Variants in CDH12 observed in about 807,000 individuals in gnomAD.
CDH12 encodes the protein cadherin-12.
Under a neutral mutation model 74.1 loss-of-function variants are expected in CDH12, and 41 were observed. That is an observed-to-expected ratio of 0.55 (90% CI 0.43 to 0.72). CDH12 has a LOEUF of 0.72. Among genes scored for constraint, CDH12 ranks in the 30% least tolerant of loss-of-function variants. The pLI, the probability that CDH12 is intolerant of heterozygous loss-of-function variation, is 0.00. For missense variants in CDH12, 945 were observed against 977.2 expected (o/e 0.97, Z 0.44); for synonymous variants, 399 against 355.0 (o/e 1.12, Z -1.39).
chr5:22,230,417 T>G (rs529436985), intron 3 of CDH12, among the ~76,000 whole-genome samples: 14 of 152,122 alleles, frequency 9.2e-5, no homozygotes, highest in African/African-American at 3.4e-4. Context: ...AATGTCTTCA[T>G]GTCAAACGAG....
intron 5 of CDH12, among the ~76,000 whole-genome samples, chr5:22,061,318 CAT>C (rs1741173595): frequency 6.6e-6 from 1 of 152,032 alleles, no homozygotes; most frequent in African/African-American, 2.4e-5. Context: ...AACAATGAAA[CAT>C]ATATAGTTAG....
chr5:22,479,588 A>G (rs879889662), intron 2 of CDH12, among the ~76,000 whole-genome samples: 19 of 152,222 alleles, frequency 1.2e-4, no homozygotes, highest in Non-Finnish European at 2.6e-4. Context: ...TGCTGGATAG[A>G]GAATTCCTGG....
chr5:21,905,046 G>A (rs1753572288), intron 6 of CDH12, among the ~76,000 whole-genome samples: 1 of 152,170 alleles, frequency 6.6e-6, no homozygotes, highest in Non-Finnish European at 1.5e-5. Flanking sequence ...CATAGCCATT[G>A]CAATGTGTAC....
intron 5 of CDH12, among the ~76,000 whole-genome samples, chr5:22,044,105 C>T (rs1739763279): frequency 6.6e-6 from 1 of 151,998 alleles, no homozygotes; most frequent in African/African-American, 2.4e-5. Context: ...CACATGGAAC[C>T]ACAAAAAATT....
At chr5:22,596,195 G>T (rs1265823778) in intron 1 of CDH12, among the ~76,000 whole-genome samples, 3 of 151,876 alleles carry the variant, frequency 2.0e-5, no homozygotes, top group African/African-American at 7.2e-5. Context: ...CCAGCATTCT[G>T]GGAGGCCGAG....
At chr5:22,407,733 G>C (rs995681492) in intron 2 of CDH12, among the ~76,000 whole-genome samples, 1 of 151,998 alleles carries the variant, frequency 6.6e-6, no homozygotes, top group Non-Finnish European at 1.5e-5. Context: ...TTTGCTCAAG[G>C]ACTTTGGGAA....
Position 22,029,437 on chromosome 5 carries a change from C to T in CDH12, c.231+49009G>A, listed in dbSNP as rs545205097. Among the ~76,000 whole-genome samples the T allele has an allele frequency of 4.6e-3, 695 of 151,860 alleles. 5 individuals carry two copies. The highest frequency in any genetic ancestry group is 0.015 in the African/African-American group (634 of 41,444). On this transcript the variant is annotated intron_variant, in intron 5 of 14. Transcript: ENST00000382254. Reference sequence around the variant, plus strand: ...ACAAGAAAAAAACAAACAACCCCATCAAAAAGTGGGCGAAGGATATGAACA... The same window carrying T: ...ACAAGAAAAAAACAAACAACCCCATTAAAAAGTGGGCGAAGGATATGAACA...
intron 4 of CDH12, among the ~76,000 whole-genome samples, chr5:22,096,616 C>G (rs756852408): frequency 2.6e-5 from 4 of 152,126 alleles, no homozygotes; most frequent in Non-Finnish European, 5.9e-5. Flanking sequence ...AGCCCTCCCC[C>G]ACCTGCCCAG....
At chr5:22,577,850 T>C (rs1452527058) in intron 1 of CDH12, among the ~76,000 whole-genome samples, 1 of 152,212 alleles carries the variant, frequency 6.6e-6, no homozygotes, top group African/African-American at 2.4e-5. Flanking sequence ...ATTTTCTTTA[T>C]TGCAAAGACA....
At chr5:22,574,258 C>G (rs1276433313) in intron 1 of CDH12, among the ~76,000 whole-genome samples, 1 of 151,180 alleles carries the variant, frequency 6.6e-6, no homozygotes. Flanking sequence ...TTTTGTATTT[C>G]TAGTAGAGAC....
At chr5:22,181,769 C>A (rs984400714) in intron 4 of CDH12, among the ~76,000 whole-genome samples, 1 of 152,082 alleles carries the variant, frequency 6.6e-6, no homozygotes, top group Non-Finnish European at 1.5e-5. Context: ...ATTTCCCTTT[C>A]TGCAAATTAG....
chr5:22,650,735 T>C (rs1739691812), intron 1 of CDH12, among the ~76,000 whole-genome samples: 1 of 151,950 alleles, frequency 6.6e-6, no homozygotes, highest in Non-Finnish European at 1.5e-5. Flanking sequence ...GAAGCATCAC[T>C]CTCTGCATGC....
intron 1 of CDH12, among the ~76,000 whole-genome samples, chr5:22,577,315 A>C (rs1175343288): frequency 2.0e-5 from 3 of 152,206 alleles, no homozygotes; most frequent in Non-Finnish European, 4.4e-5. Context: ...AAATTATAGA[A>C]CGGATAAGTG....
chr5:22,628,238 G>T (rs1021789056), intron 1 of CDH12, among the ~76,000 whole-genome samples: 6 of 151,982 alleles, frequency 3.9e-5, no homozygotes, highest in African/African-American at 1.4e-4. Context: ...CTCGACACTT[G>T]ACCATATAGA....
chr5:21,822,294 A>G (rs1748415987), intron 8 of CDH12, among the ~76,000 whole-genome samples: 1 of 151,938 alleles, frequency 6.6e-6, no homozygotes, highest in Non-Finnish European at 1.5e-5. Context: ...TCCTATCAGA[A>G]TGGCAATAGC....
intron 1 of CDH12, among the ~76,000 whole-genome samples, chr5:22,717,624 A>G (rs1229867672): frequency 1.3e-5 from 2 of 152,210 alleles, no homozygotes. Flanking sequence ...ATATCCAATA[A>G]GAAGAAAAAC....
At chr5:22,043,042 T>C (rs1739687699) in intron 5 of CDH12, among the ~76,000 whole-genome samples, 1 of 152,092 alleles carries the variant, frequency 6.6e-6, no homozygotes, top group Admixed American at 6.6e-5. Context: ...CAAATTATTC[T>C]CAAACTTTTT....
At chr5:22,529,625 C>T (rs1737495134) in intron 1 of CDH12, among the ~76,000 whole-genome samples, 1 of 152,000 alleles carries the variant, frequency 6.6e-6, no homozygotes, top group African/African-American at 2.4e-5. Context: ...TAATTTCATC[C>T]AGATACACCC....
At chr5:22,735,595 GCA>G (rs1244369631) in intron 1 of CDH12, among the ~76,000 whole-genome samples, 1 of 151,792 alleles carries the variant, frequency 6.6e-6, no homozygotes, top group African/African-American at 2.4e-5. Context: ...ACATGTGTGT[GCA>G]CACACACAAA....
Sources: gnomAD v4.1 joint callset for allele counts (sites outside exome capture counted in the v4.1 genomes callset) on GRCh38, gnomAD v4.1.1 for gene constraint, MANE v1.5 for transcripts, NCBI Gene and HGNC (gene_info 2026-07-23, HGNC 2026-07-21) for gene names.